The following LAMA2 variants were observed in gnomAD, a reference collection of about 807,000 sequenced individuals.
The protein encoded by LAMA2 is laminin subunit alpha 2, also known as laminin subunit alpha-2.
LAMA2 carries 269 observed loss-of-function variants against 364.8 expected under a neutral mutation model. That is an observed-to-expected ratio of 0.74 (90% CI 0.67 to 0.82). The LOEUF is 0.82. Among genes scored for constraint, LAMA2 ranks in the 40% least tolerant of loss-of-function variants. The pLI, the probability that LAMA2 is intolerant of heterozygous loss-of-function variation, is 0.00. For synonymous variants in LAMA2, 1,379 were observed against 1,370.6 expected (o/e 1.01, Z -0.14); for missense variants, 3,807 against 3,873.2 (o/e 0.98, Z 0.45).
chr6:129,272,899 C>T (rs940205775), intron 17 of LAMA2, among the ~76,000 whole-genome samples: 3 of 152,102 alleles, frequency 2.0e-5, no homozygotes, highest in African/African-American at 7.2e-5. Flanking sequence ...AGTTTTATCC[C>T]AAACTCCTCC....
intron 1 of LAMA2, among the ~76,000 whole-genome samples, chr6:128,971,510 G>C (rs1019745296): frequency 2.0e-5 from 3 of 152,156 alleles, no homozygotes; most frequent in Non-Finnish European, 4.4e-5. Flanking sequence ...GGTGGTACCT[G>C]TACAGGGGTT....
intron 3 of LAMA2, among the ~76,000 whole-genome samples, chr6:129,072,256 G>A (rs894349161): frequency 2.6e-5 from 4 of 152,056 alleles, no homozygotes; most frequent in African/African-American, 9.7e-5. Context: ...TTAAATTAGA[G>A]ACATACAAAT....
intron 15 of LAMA2, among the ~76,000 whole-genome samples, chr6:129,264,482 G>T (rs1787361060): frequency 6.6e-6 from 1 of 151,978 alleles, no homozygotes; most frequent in South Asian, 2.1e-4. Flanking sequence ...ATAATATTCA[G>T]GTCTTAAATT....
rs544271722 is a variant in LAMA2, at chr6:129,066,038, G to GTTTTTTTTTTTTTTTT, written c.396+6152_396+6167dup. Among the ~76,000 whole-genome samples the GTTTTTTTTTTTTTTTT allele has an allele frequency of 1.8e-3, 65 of 37,074 alleles. 7 individuals carry two copies. Among genetic ancestry groups the GTTTTTTTTTTTTTTTT allele is most frequent in the African/African-American group, 5.4e-3 (63 of 11,660 alleles). 24.3% of individuals were successfully genotyped at this position (37,074 alleles called of 152,430 possible). On this transcript the variant is annotated intron_variant, in intron 3 of 64. Coordinates refer to ENST00000421865, the MANE Select transcript of LAMA2 (RefSeq NM_000426.4). ...TCTTTTGTAAATTGCCCAGTCTCAG[G>GTTTTTTTTTTTTTTTT]TTTTTTTTTTTTTTTTTTTTTTTTT... is the stretch of plus-strand genomic sequence containing the variant.
chr6:129,137,712 C>G (rs1777885296), intron 4 of LAMA2, among the ~76,000 whole-genome samples: 1 of 152,020 alleles, frequency 6.6e-6, no homozygotes, highest in Non-Finnish European at 1.5e-5. Context: ...AGAGCTAATT[C>G]ATTGGAAGCT....
intron 9 of LAMA2, among the ~76,000 whole-genome samples, chr6:129,169,386 TG>T (rs1296041030): frequency 6.7e-6 from 1 of 149,240 alleles, no homozygotes; most frequent in African/African-American, 2.5e-5. Context: ...TGTTGAATTT[TG>T]TCAAAGGCTT....
chr6:129,405,342 T>C (rs1780193295), intron 40 of LAMA2, among the ~76,000 whole-genome samples: 2 of 152,166 alleles, frequency 1.3e-5, no homozygotes, highest in African/African-American at 4.8e-5. Flanking sequence ...TATAAATTTC[T>C]TGTAACATTT....
chr6:129,217,201 T>A (rs578100043), intron 12 of LAMA2, among the ~76,000 whole-genome samples: 23 of 97,334 alleles, frequency 2.4e-4, no homozygotes, highest in Middle Eastern at 9.8e-3. Context: ...AAAAAAATAA[T>A]AATAATAATA....
chr6:128,960,038 A>C (rs1781381965), intron 1 of LAMA2, among the ~76,000 whole-genome samples: 1 of 152,042 alleles, frequency 6.6e-6, no homozygotes, highest in African/African-American at 2.4e-5. Flanking sequence ...TTCACATTGA[A>C]GTTGAAGAGT....
intron 1 of LAMA2, among the ~76,000 whole-genome samples, chr6:129,008,539 T>C (rs1784567578): frequency 6.6e-6 from 1 of 152,130 alleles, no homozygotes; most frequent in African/African-American, 2.4e-5. Context: ...TGGTTTTTGA[T>C]CCCGGGTCTA....
At chr6:129,482,053 C>A (rs1257742343) in intron 55 of LAMA2, among the ~76,000 whole-genome samples, 1 of 152,162 alleles carries the variant, frequency 6.6e-6, no homozygotes, top group African/African-American at 2.4e-5. Flanking sequence ...TGTCTGTAAT[C>A]CCAGCACTTT....
At chr6:128,932,228 C>T (rs1779528704) in intron 1 of LAMA2, among the ~76,000 whole-genome samples, 1 of 152,186 alleles carries the variant, frequency 6.6e-6, no homozygotes, top group Admixed American at 6.5e-5. Flanking sequence ...AATATTCTCA[C>T]AAGTGGAGCT....
At chr6:129,131,372 C>T (rs970536135) in intron 4 of LAMA2, among the ~76,000 whole-genome samples, 13 of 152,094 alleles carry the variant, frequency 8.5e-5, no homozygotes, top group Non-Finnish European at 1.8e-4. Flanking sequence ...TGCATGGACC[C>T]GACAGAAAAT....
intron 56 of LAMA2, 147 bp from the exon 57 acceptor site, chr6:129,491,754 T>C (rs1784873280): frequency 2.9e-6 from 2 of 687,500 alleles, no homozygotes; most frequent in Non-Finnish European, 5.2e-6. Flanking sequence ...GAACAGCGTT[T>C]GCTTAGTGTA....
intron 1 of LAMA2, among the ~76,000 whole-genome samples, chr6:129,016,651 A>G (rs569978161): frequency 6.6e-6 from 1 of 152,090 alleles, no homozygotes. Context: ...CATGCTAGAT[A>G]GAAGTCAGGA....
chr6:129,269,330 A>T (rs1787754723), intron 16 of LAMA2, among the ~76,000 whole-genome samples: 1 of 151,294 alleles, frequency 6.6e-6, no homozygotes, highest in Non-Finnish European at 1.5e-5. Flanking sequence ...GGACACCTGT[A>T]AAAATAACCA....
At chr6:129,432,348 A>G (rs911815200) in intron 41 of LAMA2, among the ~76,000 whole-genome samples, 1 of 152,210 alleles carries the variant, frequency 6.6e-6, no homozygotes, top group Non-Finnish European at 1.5e-5. Context: ...GGCAGGTTCT[A>G]TTGGAAAGAT....
chr6:129,241,007 G>A (rs1785362432), intron 12 of LAMA2, among the ~76,000 whole-genome samples: 3 of 152,156 alleles, frequency 2.0e-5, no homozygotes, highest in African/African-American at 7.2e-5. Flanking sequence ...TTATAGGTAA[G>A]CTCAAATCAC....
intron 1 of LAMA2, among the ~76,000 whole-genome samples, chr6:128,927,377 A>T (rs1281284347): frequency 6.6e-6 from 1 of 152,150 alleles, no homozygotes; most frequent in Non-Finnish European, 1.5e-5. Context: ...ACTGGTTTTG[A>T]CCTATTAAAT....
Sources: allele counts gnomAD v4.1 joint callset (sites outside exome capture counted in the v4.1 genomes callset), GRCh38; gene constraint gnomAD v4.1.1; transcripts MANE v1.5; gene names NCBI Gene and HGNC (gene_info 2026-07-23, HGNC 2026-07-21).